Variants in PTGR2 observed in about 807,000 individuals in gnomAD.
PTGR2 encodes the protein 15-oxoprostaglandin 13-reductase.
A neutral mutation model predicts 43.4 loss-of-function variants in PTGR2; 32 were observed. The observed-to-expected ratio is 0.74, with a 90% CI of 0.56 to 0.99. PTGR2 has a LOEUF of 0.99. Ranked by LOEUF, PTGR2 falls within the 50% of genes least tolerant of loss-of-function variation. PTGR2 has a pLI of 0.00. For synonymous variants in PTGR2, 106 were observed against 139.2 expected, an observed-to-expected ratio of 0.76 and a Z score of 1.68; for missense variants, 373 against 420.0, an observed-to-expected ratio of 0.89 and a Z score of 0.98.
chr14:73,879,851 A>G (rs2054941217), intron 6 of PTGR2: 2 of 512,976 alleles, frequency 3.9e-6, no homozygotes, highest in Admixed American at 3.2e-5. Context: ...CTGATTACCA[A>G]CCATTTATTT....
At chr14:73,860,458 C>T (rs2054461396) in intron 2 of PTGR2, 81 bp from the exon 3 acceptor site, 1 of 676,052 alleles carries the variant, frequency 1.5e-6, no homozygotes, top group Non-Finnish European at 2.5e-6. Context: ...TAGAGCAAGA[C>T]TCTGTCTCAA....
intron 1 of PTGR2, among the ~76,000 whole-genome samples, chr14:73,856,470 C>T (rs1442455516): frequency 1.3e-5 from 2 of 152,002 alleles, no homozygotes; most frequent in Non-Finnish European, 2.9e-5. Flanking sequence ...AGGCTGGTCT[C>T]GAACTCCTGA....
At position 73,880,131 on chromosome 14, in the gene PTGR2, T is replaced by C; in HGVS notation, c.806T>C (p.Leu269Pro). The change falls in exon 7 of 10, where the codon CTA becomes CCA. Residue 269 changes from leucine (L) to proline (P), a missense_variant. Coordinates refer to ENST00000555661, the MANE Select transcript of PTGR2 (RefSeq NM_001146154.2). ...AAAGATGTGCCTTATCCTCCCCCGC[T>C]ATCCCCTGCTATAGAGGCAATCCAG... ...YNKDVPYPPP[L>P]SPAIEAIQKE... The C allele has an allele frequency of 6.2e-7, 1 of 1,614,028 alleles. No individual in the cohort carries two copies. Among genetic ancestry groups the C allele is most frequent in the African/African-American group, 1.3e-5 (1 of 75,048 alleles).
intron 1 of PTGR2, among the ~76,000 whole-genome samples, chr14:73,856,439 C>T (rs368687801): frequency 1.3e-5 from 2 of 152,014 alleles, no homozygotes; most frequent in East Asian, 3.9e-4. Flanking sequence ...TTAGTAGAGA[C>T]AGGATTTCAT....
chr14:73,856,062 AAAAG>A (rs1238051321), intron 1 of PTGR2, among the ~76,000 whole-genome samples: 7 of 151,216 alleles, frequency 4.6e-5, no homozygotes, highest in African/African-American at 1.7e-4. Flanking sequence ...TTTCAAAAAA[AAAAG>A]AAAGAAATTT....
At chr14:73,861,887 T>A (rs946282659) in intron 3 of PTGR2, among the ~76,000 whole-genome samples, 6 of 152,010 alleles carry the variant, frequency 3.9e-5, no homozygotes, top group African/African-American at 1.4e-4. Context: ...TAGTGGCTTT[T>A]TTTTTTTTGG....
intron 1 of PTGR2, among the ~76,000 whole-genome samples, chr14:73,857,238 G>GTT (rs200670094): frequency 0.45 from 64,671 of 144,302 alleles, 15,026 homozygotes; most frequent in South Asian, 0.61. Flanking sequence ...AGGAATTTCC[G>GTT]TTTTTTTTTT....
At chr14:73,876,439 C>T (rs1310024159) in intron 4 of PTGR2, among the ~76,000 whole-genome samples, 1 of 149,016 alleles carries the variant, frequency 6.7e-6, no homozygotes, top group Non-Finnish European at 1.5e-5. Flanking sequence ...TGTGGGTGTG[C>T]AGAGAGATAG....
At chr14:73,866,007 CTT>C (rs559326874) in intron 3 of PTGR2, among the ~76,000 whole-genome samples, 7 of 143,614 alleles carry the variant, frequency 4.9e-5, no homozygotes, top group Non-Finnish European at 6.1e-5. Flanking sequence ...ATCTGTTTTT[CTT>C]TTTTTTTTTT....
intron 3 of PTGR2, among the ~76,000 whole-genome samples, chr14:73,865,537 G>C (rs1381168855): frequency 6.6e-6 from 1 of 152,118 alleles, no homozygotes; most frequent in Non-Finnish European, 1.5e-5. Context: ...AAGCCATCTA[G>C]GCATTCCTCT....
At chr14:73,858,945 T>A in intron 2 of PTGR2, 46 bp downstream of exon 2, 1 of 1,497,240 alleles carries the variant, frequency 6.7e-7, no homozygotes, top group Non-Finnish European at 9.3e-7. Context: ...TGATAAGTAT[T>A]AATGCAAATG....
rs768067425 is a variant in PTGR2, at chr14:73,860,598, A to G, written c.97A>G (p.Asn33Asp). The change falls in exon 3 of 10, where the codon AAT (asparagine) becomes GAT (aspartate). Residue 33 changes from asparagine (N) to aspartate (D), a missense_variant. Asn to Asp is a conservative substitution (Grantham distance 23). Transcript: ENST00000555661. Reference protein sequence around the residue: ...FRMEEVYLPDNINEGQVQVRT... With the variant: ...FRMEEVYLPDDINEGQVQVRT... ...AATGGAAGAAGTCTATTTACCAGAT[A>G]ATATTAATGAAGGACAAGTACAAGT... 5.7e-5 allele frequency: 90 copies of G among 1,583,238 alleles called. No homozygotes were observed. The highest frequency in any genetic ancestry group is 4.9e-4 in the East Asian group (22 of 44,508).
chr14:73,880,196 C>G lies in PTGR2; in HGVS notation c.851+20C>G, dbSNP rs778589575. ...CACAAGGTGTGTTCTTCCTCTTTGCCCTTATTACCAGGTTCATGGGGTTTT... is the reference window on the plus strand; with the variant it reads ...CACAAGGTGTGTTCTTCCTCTTTGCGCTTATTACCAGGTTCATGGGGTTTT... On this transcript the variant is annotated intron_variant, in intron 7 of 9. Coordinates refer to ENST00000555661, the MANE Select transcript of PTGR2 (RefSeq NM_001146154.2). 22 of 1,612,522 alleles carry G rather than the reference C, an allele frequency of 1.4e-5. No individual in the cohort carries two copies. The highest frequency in any genetic ancestry group is 1.7e-5 in the Non-Finnish European group (20 of 1,178,964).
At chr14:73,853,982 T>C (rs2054287982) in intron 1 of PTGR2, among the ~76,000 whole-genome samples, 1 of 152,174 alleles carries the variant, frequency 6.6e-6, no homozygotes, top group Admixed American at 6.5e-5. Flanking sequence ...TGAGTTTTTT[T>C]CCCCTACTTG....
chr14:73,875,117 C>T (rs1183433869), intron 4 of PTGR2, among the ~76,000 whole-genome samples: 4 of 152,176 alleles, frequency 2.6e-5, no homozygotes, highest in Admixed American at 2.6e-4. Flanking sequence ...GTCTTGGTCT[C>T]CCAAAGTGCT....
In PTGR2 at chr14:73,858,704, C is replaced by G. The variant is rs2054419442; in HGVS notation, c.-47-112C>G. ...GACAGGCGAGTTTATCTTTTTGGAT[C>G]CTAAATGTGATTTTTCTCCCTCTTC... On this transcript the variant is annotated intron_variant, in intron 1 of 9. Transcript: ENST00000555661. The G allele has an allele frequency of 8.6e-6, 4 of 466,716 alleles. No homozygotes were observed. In the East Asian group the frequency reaches 1.3e-4, roughly 15 times the overall value. The allele number at this position is 466,716 out of a possible 1,614,324, so 28.9% of individuals were successfully genotyped here.
chr14:73,879,641 G>A, intron 6 of PTGR2: 1 of 169,332 alleles, frequency 5.9e-6, no homozygotes, highest in South Asian at 6.4e-5. Flanking sequence ...CATGGCCCCA[G>A]ACCTATGGGT....
rs1326921918 is a variant in PTGR2, at chr14:73,885,377, C to G, written c.*1200C>G. 1 of 152,204 alleles carries G rather than the reference C, an allele frequency of 6.6e-6. No homozygotes were observed. The highest frequency in any genetic ancestry group is 1.5e-5 in the Non-Finnish European group (1 of 68,040). The allele number at this position is 152,204 out of a possible 1,614,324, so 9.4% of individuals were successfully genotyped here. A position where few individuals can be genotyped will look rare whatever the true frequency, so the allele number is the denominator to read the frequency against. On this transcript the variant is annotated 3_prime_UTR_variant, in exon 10 of 10. Transcript: ENST00000555661. ...ACAAATGTTTGTAAACATGAATGTT[C>G]AGGAACTACTGATGTACCTCAAAAG...
At chr14:73,874,669 G>T (rs1313599913) in intron 4 of PTGR2, 5 of 450,638 alleles carry the variant, frequency 1.1e-5, no homozygotes, top group African/African-American at 1.0e-4. Context: ...AAAGTGCTGA[G>T]ATTACAGGTG....
Sources: allele counts gnomAD v4.1 joint callset (sites outside exome capture counted in the v4.1 genomes callset), GRCh38; gene constraint gnomAD v4.1.1; transcripts MANE v1.5; gene names NCBI Gene and HGNC (gene_info 2026-07-23, HGNC 2026-07-21).